MKX: variants seen among roughly 807,000 people sequenced by gnomAD.
The protein encoded by MKX is mohawk homeobox, also known as homeobox protein Mohawk.
Under a neutral mutation model 36.0 loss-of-function variants are expected in MKX, and 13 were observed. The observed-to-expected ratio is 0.36, with a 90% CI of 0.24 to 0.57. The LOEUF (loss-of-function observed/expected upper bound fraction) is 0.57. Among genes scored for constraint, MKX ranks in the 20% least tolerant of loss-of-function variants. MKX has a pLI of 0.79. For synonymous variants in MKX, 176 were observed against 178.3 expected (o/e 0.99, Z 0.10); for missense variants, 458 against 456.4 (o/e 1.00, Z -0.03).
chr10:27,728,147 A>T (rs1312103090), intron 5 of MKX, among the ~76,000 whole-genome samples: 11 of 152,250 alleles, frequency 7.2e-5, no homozygotes, highest in Admixed American at 7.2e-4. Context: ...ATAATCCAAA[A>T]AAGGCAAAGC....
intron 5 of MKX, among the ~76,000 whole-genome samples, chr10:27,716,250 A>C (rs541792886): frequency 1.9e-4 from 29 of 152,214 alleles, no homozygotes; most frequent in Admixed American, 9.8e-4. Context: ...TATGTGTGAT[A>C]AACATTCATC....
chr10:27,675,823 C>T (rs549314960), intron 5 of MKX, among the ~76,000 whole-genome samples: 3 of 152,250 alleles, frequency 2.0e-5, no homozygotes, highest in African/African-American at 4.8e-5. Flanking sequence ...AGAAATTGGG[C>T]CTTTTGGATC....
At chr10:27,682,107 G>T (rs1023521554) in intron 5 of MKX, among the ~76,000 whole-genome samples, 1 of 152,046 alleles carries the variant, frequency 6.6e-6, no homozygotes, top group Admixed American at 6.5e-5. Flanking sequence ...CCCTGTGCAG[G>T]CCTAGGTTAA....
chr10:27,685,600 C>T (rs370509210), intron 5 of MKX, among the ~76,000 whole-genome samples: 6 of 152,082 alleles, frequency 3.9e-5, no homozygotes, highest in East Asian at 1.9e-4. Flanking sequence ...AGGCGCCCGC[C>T]ACCACGCCTG....
chr10:27,736,839 A>C (rs1834789844), intron 3 of MKX, among the ~76,000 whole-genome samples: 1 of 152,156 alleles, frequency 6.6e-6, no homozygotes. Flanking sequence ...AATGATAGTT[A>C]TCCTTTCAAA....
At position 27,742,364 on chromosome 10, in the gene MKX, T is replaced by G. The variant is rs1834919813; in HGVS notation, c.189-860A>C. On this transcript the variant is annotated intron_variant, in intron 2 of 6. Coordinates refer to ENST00000419761, the MANE Select transcript of MKX (RefSeq NM_173576.3). This position sits in a 1 kb window ranked among gnomAD's most constrained non-coding sequence, Gnocchi z 4.2. ...GCGCCTGCGCCGGAGCCTCCTGGGT[T>G]TCTGCCTCTTTAAACACTTTGAAAT... 6.6e-6 allele frequency among the ~76,000 whole-genome samples: 1 copy of G among 152,174 alleles called. No homozygotes were observed. Among genetic ancestry groups the G allele is most frequent in the Admixed American group, 6.5e-5 (1 of 15,292 alleles).
intron 5 of MKX, among the ~76,000 whole-genome samples, chr10:27,726,875 A>C (rs1039351976): frequency 5.9e-5 from 9 of 152,152 alleles, no homozygotes; most frequent in African/African-American, 2.2e-4. Flanking sequence ...AGACACACTA[A>C]ATCATCAAAA....
chr10:27,687,905 A>T (rs977542902), intron 5 of MKX, among the ~76,000 whole-genome samples: 1 of 152,204 alleles, frequency 6.6e-6, no homozygotes, highest in East Asian at 1.9e-4. Context: ...ATTCACCACG[A>T]GGGTGGTCTG....
intron 5 of MKX, among the ~76,000 whole-genome samples, chr10:27,729,239 A>G (rs972964147): frequency 6.6e-6 from 1 of 151,186 alleles, no homozygotes; most frequent in African/African-American, 2.4e-5. Context: ...TTTATAAAGT[A>G]TATGCTGACA....
At chr10:27,702,876 A>T (rs1302093941) in intron 5 of MKX, among the ~76,000 whole-genome samples, 3 of 152,202 alleles carry the variant, frequency 2.0e-5, no homozygotes. Context: ...CTGAAACACC[A>T]CAAAATAACA....
intron 5 of MKX, among the ~76,000 whole-genome samples, chr10:27,678,042 T>C (rs1427511944): frequency 6.6e-6 from 1 of 152,250 alleles, no homozygotes; most frequent in African/African-American, 2.4e-5. Context: ...GATATGCTGA[T>C]TTACAGATCA....
At position 27,741,278 on chromosome 10, in the gene MKX, T is replaced by G; in HGVS notation, c.348+67A>C. 6.3e-7 allele frequency: 1 copy of G among 1,593,932 alleles called. No individual in the cohort carries two copies. On this transcript the variant is annotated intron_variant, in intron 3 of 6. Transcript: ENST00000419761. This position sits in a 1 kb window ranked among gnomAD's most constrained non-coding sequence, Gnocchi z 5.1. ...GCGCCACGTGGAGAGCCACACGAAC[T>G]CTAAGCGTTCCCGCTCTTCAGCCCC...
chr10:27,681,378 G>T (rs1359416657), intron 5 of MKX, among the ~76,000 whole-genome samples: 1 of 152,160 alleles, frequency 6.6e-6, no homozygotes, highest in Non-Finnish European at 1.5e-5. Flanking sequence ...GAACCCCGCA[G>T]GCGGAGGTTG....
rs775298020 is a variant in MKX, at chr10:27,675,547, CA to C, written c.845del (p.Leu282ArgfsTer33). The C allele has an allele frequency of 6.2e-7, 1 of 1,613,900 alleles. No homozygotes were observed. Among genetic ancestry groups the C allele is most frequent in the Admixed American group, 1.7e-5 (1 of 59,966 alleles). ...EGNFVYRTDT[L>X]ENGSNKGESA... ...TTTCACCCTTATTGGATCCGTTTTC[CA>C]GAGTGTCTGTAAAGAAAAGCAAAAA... On this transcript the variant is annotated frameshift_variant, in exon 6 of 7. Transcript: ENST00000419761. LOFTEE classifies it high-confidence loss of function.
Position 27,685,490 on chromosome 10 carries a change from C to T in MKX, c.839-9936G>A, listed in dbSNP as rs1836327211. Among the ~76,000 whole-genome samples, 6 of 148,296 alleles carry T rather than the reference C, an allele frequency of 4.0e-5. No individual in the cohort carries two copies. In the South Asian group the frequency reaches 1.3e-3, roughly 32 times the overall value. ...TTGAGACGGAGTCCCGCTCTGTTGC[C>T]CAGGCTGGAGTGCTGTGGCACGATC... On this transcript the variant is annotated intron_variant, in intron 5 of 6. Coordinates refer to ENST00000419761, the MANE Select transcript of MKX (RefSeq NM_173576.3).
intron 5 of MKX, among the ~76,000 whole-genome samples, chr10:27,703,887 G>A (rs765738516): frequency 2.6e-5 from 4 of 152,036 alleles, no homozygotes; most frequent in Non-Finnish European, 4.4e-5. Flanking sequence ...GCAACAGAGC[G>A]AGACTCTGTA....
chr10:27,695,975 G>C (rs1288736461), intron 5 of MKX, among the ~76,000 whole-genome samples: 1 of 150,538 alleles, frequency 6.6e-6, no homozygotes, highest in Non-Finnish European at 1.5e-5. Flanking sequence ...TAAAGACACA[G>C]AGAAAAATAA....
chr10:27,711,479 CTT>C (rs59629401), intron 5 of MKX, among the ~76,000 whole-genome samples: 10,376 of 25,196 alleles, frequency 0.41, 508 homozygotes, highest in Non-Finnish European at 0.48. Flanking sequence ...TTCTTTCTTT[CTT>C]TCTCTCTCTC....
chr10:27,707,255 C>T (rs1836772634), intron 5 of MKX, among the ~76,000 whole-genome samples: 1 of 151,968 alleles, frequency 6.6e-6, no homozygotes, highest in Non-Finnish European at 1.5e-5. Context: ...GCACTCTTTC[C>T]TACATAAAAA....
Sources: allele counts gnomAD v4.1 joint callset (sites outside exome capture counted in the v4.1 genomes callset), GRCh38; gene constraint gnomAD v4.1.1; non-coding constraint Gnocchi (gnomAD v3.1); transcripts MANE v1.5; gene names NCBI Gene and HGNC (gene_info 2026-07-23, HGNC 2026-07-21).